The following FLT1 variants were observed in gnomAD, a reference collection of about 807,000 sequenced individuals.
FLT1 encodes vascular endothelial growth factor receptor 1.
In FLT1, 49 loss-of-function variants were observed where a neutral mutation model predicts 156.3. The ratio of observed to expected loss-of-function variants is 0.31; its 90% CI spans 0.25 to 0.40. The LOEUF (loss-of-function observed/expected upper bound fraction) is 0.40. Ranked by LOEUF, FLT1 falls within the 10% of genes least tolerant of loss-of-function variation. FLT1 has a pLI of 1.00. For missense variants in FLT1, 1,322 were observed against 1,637.2 expected, an observed-to-expected ratio of 0.81 and a Z score of 3.32; for synonymous variants, 594 against 583.8, an observed-to-expected ratio of 1.02 and a Z score of -0.25.
intron 1 of FLT1, among the ~76,000 whole-genome samples, chr13:28,485,295 T>A (rs570411029): frequency 6.6e-6 from 1 of 152,194 alleles, no homozygotes; most frequent in East Asian, 1.9e-4. Context: ...CCCAAGAAGC[T>A]GCAGAGCTGC....
At chr13:28,315,522 C>T (rs1871162354) in intron 25 of FLT1, among the ~76,000 whole-genome samples, 1 of 152,182 alleles carries the variant, frequency 6.6e-6, no homozygotes, top group Non-Finnish European at 1.5e-5. Context: ...CGCCACTGCA[C>T]TCTAGCCTGG....
intron 1 of FLT1, among the ~76,000 whole-genome samples, chr13:28,493,491 A>G (rs1270455368): frequency 6.6e-6 from 1 of 152,134 alleles, no homozygotes; most frequent in East Asian, 1.9e-4. Context: ...ATATTTAATT[A>G]TTACTGCTTT....
intron 16 of FLT1, among the ~76,000 whole-genome samples, chr13:28,343,658 T>C (rs548834795): frequency 2.0e-5 from 3 of 150,914 alleles, no homozygotes; most frequent in Non-Finnish European, 4.4e-5. Context: ...TTTTTTTTTT[T>C]CTGAGACAGA....
intron 16 of FLT1, among the ~76,000 whole-genome samples, chr13:28,344,006 T>TCCCCCCC (rs1872457789): frequency 2.0e-5 from 3 of 147,880 alleles, no homozygotes; most frequent in Non-Finnish European, 3.0e-5. Flanking sequence ...TATTCACTCT[T>TCCCCCCC]GCCCCCCACC....
intron 3 of FLT1, among the ~76,000 whole-genome samples, chr13:28,460,025 T>C (rs1364798320): frequency 6.6e-6 from 1 of 152,252 alleles, no homozygotes; most frequent in African/African-American, 2.4e-5. Context: ...TCTGTTGATG[T>C]CCCTGCTGGT....
chr13:28,437,422 GCT>G (rs1279795958), intron 4 of FLT1, among the ~76,000 whole-genome samples: 1 of 152,156 alleles, frequency 6.6e-6, no homozygotes, highest in Non-Finnish European at 1.5e-5. Flanking sequence ...CTGAGTGCCT[GCT>G]CTGTGATGCA....
At chr13:28,418,437 C>T (rs1256250840) in intron 10 of FLT1, among the ~76,000 whole-genome samples, 2 of 152,226 alleles carry the variant, frequency 1.3e-5, no homozygotes, top group Non-Finnish European at 2.9e-5. Context: ...CCAGGTTAGG[C>T]AGGCGCCCTC....
chr13:28,313,729 G>GA (rs1871096419), intron 25 of FLT1, among the ~76,000 whole-genome samples: 1 of 152,106 alleles, frequency 6.6e-6, no homozygotes, highest in Non-Finnish European at 1.5e-5. Context: ...GGTTGCTGGG[G>GA]AAAAAACCTG....
intron 1 of FLT1, among the ~76,000 whole-genome samples, chr13:28,485,651 C>A (rs990608503): frequency 1.3e-5 from 2 of 152,158 alleles, no homozygotes; most frequent in Non-Finnish European, 2.9e-5. Context: ...CTCCTCTCCA[C>A]GCAGAGAGGC....
At position 28,384,891 on chromosome 13, in the gene FLT1, CTTG is replaced by C. The variant is rs1173235571; in HGVS notation, c.2107_2109del (p.Gln703del). On this transcript the variant is annotated inframe_deletion, in exon 14 of 30. Transcript: ENST00000282397. ...AGAAAAAAAAGTCTCTTACCAGGCT[CTTG>C]TTGTATTTTGTGGTTGTTTTTAAAC... 1.9e-6 allele frequency: 3 copies of C among 1,614,014 alleles called. No homozygotes were observed. Among genetic ancestry groups the C allele is most frequent in the South Asian group, 2.2e-5 (2 of 91,074 alleles).
At chr13:28,444,773 G>A (rs532829131) in intron 3 of FLT1, among the ~76,000 whole-genome samples, 1 of 152,144 alleles carries the variant, frequency 6.6e-6, no homozygotes, top group East Asian at 1.9e-4. Context: ...TAATCAATGG[G>A]TCAAAGAAGA....
intron 25 of FLT1, among the ~76,000 whole-genome samples, chr13:28,313,975 T>C (rs1166774742): frequency 6.7e-6 from 1 of 150,370 alleles, no homozygotes; most frequent in African/African-American, 2.4e-5. Flanking sequence ...GGTGGGACAA[T>C]CGTTTGAGGT....
At position 28,399,543 on chromosome 13, in the gene FLT1, C is replaced by T. The variant is rs117490960; in HGVS notation, c.1552-2475G>A. On this transcript the variant is annotated intron_variant, in intron 11 of 29. Transcript: ENST00000282397. ...TCAAGTCAGATGTATACATTTGCCA[C>T]ATTTAAGACCTGTGTAGGTAACCTG... Among the ~76,000 whole-genome samples the T allele has an allele frequency of 3.8e-3, 579 of 152,266 alleles. 1 individual carries two copies. Among genetic ancestry groups the T allele is most frequent in the Admixed American group, 5.6e-3 (85 of 15,288 alleles).
At chr13:28,389,429 T>C in intron 13 of FLT1, 1 of 1,285,112 alleles carries the variant, frequency 7.8e-7, no homozygotes, top group Non-Finnish European at 9.8e-7. Flanking sequence ...TCCCAAGTTG[T>C]TGTTTATCAG....
chr13:28,460,394 T>C (rs1310102257), intron 3 of FLT1, among the ~76,000 whole-genome samples: 1 of 151,362 alleles, frequency 6.6e-6, no homozygotes, highest in East Asian at 1.9e-4. Context: ...TGCAGGATTC[T>C]GTGACTTTGC....
intron 18 of FLT1, among the ~76,000 whole-genome samples, chr13:28,333,054 T>C (rs1032301921): frequency 6.6e-6 from 1 of 152,242 alleles, no homozygotes; most frequent in Non-Finnish European, 1.5e-5. Flanking sequence ...ATTAGTTTTT[T>C]CTTGAGGAGT....
intron 15 of FLT1, among the ~76,000 whole-genome samples, chr13:28,355,214 C>A (rs147551740): frequency 6.6e-6 from 1 of 152,160 alleles, no homozygotes; most frequent in African/African-American, 2.4e-5. Flanking sequence ...AGTCATTGTG[C>A]GACTTTGGGC....
At chr13:28,329,779 C>T (rs1212960739) in intron 18 of FLT1, 51 bp from the exon 19 acceptor site, 1 of 1,458,928 alleles carries the variant, frequency 6.9e-7, no homozygotes, top group Non-Finnish European at 9.6e-7. Flanking sequence ...GGGGCTCCTT[C>T]CGCCGGAGGC....
At chr13:28,491,319 C>T (rs150023465) in intron 1 of FLT1, among the ~76,000 whole-genome samples, 25 of 152,250 alleles carry the variant, frequency 1.6e-4, no homozygotes, top group African/African-American at 5.5e-4. Context: ...TTTAGTATCC[C>T]TGTTAAAATC....
Sources: allele counts gnomAD v4.1 joint callset (sites outside exome capture counted in the v4.1 genomes callset), GRCh38; gene constraint gnomAD v4.1.1; transcripts MANE v1.5; gene names NCBI Gene and HGNC (gene_info 2026-07-23, HGNC 2026-07-21).